OTOGL: variants seen among roughly 807,000 people sequenced by gnomAD.
The protein encoded by OTOGL is otogelin like.
OTOGL carries 285 observed loss-of-function variants against 318.5 expected under a neutral mutation model. That is an observed-to-expected ratio of 0.89 (90% CI 0.81 to 0.99). The LOEUF (loss-of-function observed/expected upper bound fraction) is 0.99. Among genes scored for constraint, OTOGL ranks in the 50% least tolerant of loss-of-function variants. OTOGL has a pLI of 0.00. For missense variants in OTOGL, 2,899 were observed against 2,845.6 expected, an observed-to-expected ratio of 1.02 and a Z score of -0.43; for synonymous variants, 987 against 936.5, an observed-to-expected ratio of 1.05 and a Z score of -0.99.
chr12:80,116,177 G>A (rs1276035858), intron 1 of OTOGL, among the ~76,000 whole-genome samples: 1 of 152,198 alleles, frequency 6.6e-6, no homozygotes, highest in Non-Finnish European at 1.5e-5. Context: ...GGCCTTGGTG[G>A]TGTAGGCACC....
chr12:80,135,765 G>T (rs1244767545), intron 1 of OTOGL, among the ~76,000 whole-genome samples: 1 of 152,196 alleles, frequency 6.6e-6, no homozygotes, highest in Non-Finnish European at 1.5e-5. Context: ...GGATGAGATT[G>T]ATATTTAAAC....
At chr12:80,115,488 G>A (rs1481146755) in intron 1 of OTOGL, among the ~76,000 whole-genome samples, 1 of 151,898 alleles carries the variant, frequency 6.6e-6, no homozygotes, top group African/African-American at 2.4e-5. Flanking sequence ...CAGAGGAAGT[G>A]TCTGGGAAGT....
In OTOGL at chr12:80,343,478, AT is replaced by A. The variant is rs558399983; in HGVS notation, c.5265+1322del. 175 of 42,548 alleles carry A rather than the reference AT, an allele frequency of 4.1e-3. 1 individual carries two copies. The highest frequency in any genetic ancestry group is 0.014 in the African/African-American group (171 of 12,048). The allele number at this position is 42,548 out of a possible 1,614,324, so 2.6% of individuals were successfully genotyped here. ...CTGTATTATTTTTTACATTTTTATT[AT>A]TTTTTACATTTTTATTATTTTTTAT... On this transcript the variant is annotated intron_variant, in intron 44 of 58. Coordinates refer to ENST00000547103, the MANE Select transcript of OTOGL (RefSeq NM_001378609.3).
chr12:80,296,757 T>G, intron 26 of OTOGL, 70 bp from the exon 27 acceptor site: 1 of 1,155,686 alleles, frequency 8.7e-7, no homozygotes, highest in Non-Finnish European at 1.1e-6. Context: ...TTAAGATTTC[T>G]TAATAAAAAT....
chr12:80,110,292 C>T (rs530646892), intron 1 of OTOGL, among the ~76,000 whole-genome samples: 1 of 152,270 alleles, frequency 6.6e-6, no homozygotes, highest in Admixed American at 6.5e-5. Context: ...TGGTCTCGAT[C>T]TCCTGACCTC....
intron 1 of OTOGL, among the ~76,000 whole-genome samples, chr12:80,176,110 G>A (rs1007374117): frequency 2.0e-5 from 3 of 152,182 alleles, no homozygotes; most frequent in Non-Finnish European, 4.4e-5. Flanking sequence ...TGAACAACTA[G>A]TATTCATCTT....
chr12:80,366,869 CAG>C (rs1890574538), intron 53 of OTOGL, among the ~76,000 whole-genome samples: 1 of 151,670 alleles, frequency 6.6e-6, no homozygotes, highest in South Asian at 2.1e-4. Flanking sequence ...TCAGAGGCCT[CAG>C]AGAATTTTAC....
At chr12:80,307,531 A>G (rs1242205400) in intron 29 of OTOGL, among the ~76,000 whole-genome samples, 2 of 141,512 alleles carry the variant, frequency 1.4e-5, no homozygotes, top group Non-Finnish European at 3.1e-5. Context: ...GGCGCCCCTC[A>G]CCTCCGGGAC....
At chr12:80,215,950 A>G (rs772724689) in intron 4 of OTOGL, among the ~76,000 whole-genome samples, 3 of 152,220 alleles carry the variant, frequency 2.0e-5, no homozygotes, top group South Asian at 2.1e-4. Context: ...AACAGGAGAC[A>G]ATGAACTTGA....
intron 44 of OTOGL, among the ~76,000 whole-genome samples, chr12:80,350,292 CTTCA>C (rs1302158644): frequency 6.6e-6 from 1 of 152,006 alleles, no homozygotes; most frequent in Admixed American, 6.6e-5. Context: ...AATTTTCTTT[CTTCA>C]TTCATTCATT....
At chr12:80,147,305 G>A (rs563383766) in intron 1 of OTOGL, among the ~76,000 whole-genome samples, 39 of 145,224 alleles carry the variant, frequency 2.7e-4, no homozygotes, top group African/African-American at 6.6e-4. Flanking sequence ...CCTTCATTTC[G>A]TTATGTACCC....
At chr12:80,194,816 G>A (rs1225260212) in intron 1 of OTOGL, among the ~76,000 whole-genome samples, 1 of 151,954 alleles carries the variant, frequency 6.6e-6, no homozygotes, top group Non-Finnish European at 1.5e-5. Flanking sequence ...TTAGAAATCA[G>A]AAAAGGGGCA....
rs186299565 is a variant in OTOGL at position 80,252,506 on chromosome 12, A to T, written c.1285+305A>T. Among the ~76,000 whole-genome samples, 35 of 152,304 alleles carry T rather than the reference A, an allele frequency of 2.3e-4. No individual in the cohort carries two copies. In the East Asian group the frequency reaches 5.0e-3, roughly 22 times the overall value. ...AATTTATATATCTTCACTTTTTAAAAAAGGAAAGGAAGTTTGAGAGAAAGG... is the reference window on the plus strand; with the variant it reads ...AATTTATATATCTTCACTTTTTAAATAAGGAAAGGAAGTTTGAGAGAAAGG... On this transcript the variant is annotated intron_variant, in intron 13 of 58. Coordinates refer to ENST00000547103, the MANE Select transcript of OTOGL (RefSeq NM_001378609.3).
rs185190283 is a variant in OTOGL at position 80,104,618 on chromosome 12, G to C, written c.-20+5013G>C. Among the ~76,000 whole-genome samples, 828 of 152,154 alleles carry C rather than the reference G, an allele frequency of 5.4e-3. 31 individuals are homozygous for C. The highest frequency in any genetic ancestry group is 1.3e-3 in the Non-Finnish European group (88 of 68,010). On this transcript the variant is annotated intron_variant, in intron 1 of 58. Transcript: ENST00000547103. ...GTTGGAGGGGTGAGAGCATGTCAGG[G>C]GGGTGAGAGCAGTGTTGTAGGGGTG...
chr12:80,110,159 C>T (rs1374745215), intron 1 of OTOGL, among the ~76,000 whole-genome samples: 3 of 151,534 alleles, frequency 2.0e-5, no homozygotes, highest in Non-Finnish European at 2.9e-5. Context: ...GCTTCGTCTC[C>T]CAGGTTCACG....
At chr12:80,268,549 A>T (rs1436980896) in intron 22 of OTOGL, among the ~76,000 whole-genome samples, 1 of 152,102 alleles carries the variant, frequency 6.6e-6, no homozygotes, top group Non-Finnish European at 1.5e-5. Flanking sequence ...TCCTATCCAC[A>T]TCAAGACACA....
chr12:80,373,173 G>T (rs1465108630), intron 57 of OTOGL, among the ~76,000 whole-genome samples: 1 of 151,996 alleles, frequency 6.6e-6, no homozygotes, highest in African/African-American at 2.4e-5. Context: ...ATAATACCAT[G>T]CTGTAATCAC....
chr12:80,147,161 G>A (rs963382928), intron 1 of OTOGL, among the ~76,000 whole-genome samples: 7 of 151,826 alleles, frequency 4.6e-5, no homozygotes, highest in Admixed American at 1.3e-4. Flanking sequence ...TGTCAATTTT[G>A]GATCTTTCCT....
chr12:80,318,114 C>T (rs1022299081), intron 32 of OTOGL, among the ~76,000 whole-genome samples: 5 of 150,540 alleles, frequency 3.3e-5, no homozygotes, highest in African/African-American at 1.3e-4. Context: ...GACTTCTTAT[C>T]CCTCCAATCC....
Sources: allele counts gnomAD v4.1 joint callset (sites outside exome capture counted in the v4.1 genomes callset), GRCh38; gene constraint gnomAD v4.1.1; transcripts MANE v1.5; gene names NCBI Gene and HGNC (gene_info 2026-07-23, HGNC 2026-07-21).